TRPM3: variants seen among roughly 807,000 people sequenced by gnomAD.
TRPM3 encodes the protein transient receptor potential cation channel subfamily M member 3.
Under a neutral mutation model 181.2 loss-of-function variants are expected in TRPM3, and 77 were observed. That is an observed-to-expected ratio of 0.42 (90% CI 0.35 to 0.51). The LOEUF (loss-of-function observed/expected upper bound fraction) is 0.51, where lower values mean the gene tolerates loss of function less well. TRPM3 is among the 20% of genes least tolerant of loss of function. The pLI is 0.01. For synonymous variants in TRPM3, 745 were observed against 796.4 expected (o/e 0.94, Z 1.09); for missense variants, 1,759 against 2,196.7 (o/e 0.80, Z 3.98).
rs141194516 is a variant in TRPM3, at chr9:70,820,379, TTTTG to T, written c.973+7464_973+7467del. Among the ~76,000 whole-genome samples, 925 of 152,256 alleles carry T rather than the reference TTTTG, an allele frequency of 6.1e-3. 9 individuals are homozygous for T. The highest frequency in any genetic ancestry group is 0.019 in the African/African-American group (780 of 41,562). On this transcript the variant is annotated intron_variant, in intron 6 of 25. Transcript: ENST00000677713. ...AGGTTATGATTTGTTATAGGACTTTTTTTGTTTGTTTGTTTGTTTGTTTTTGAGA... is the reference window on the plus strand; with the variant it reads ...AGGTTATGATTTGTTATAGGACTTTTTTTGTTTGTTTGTTTGTTTTTGAGA...
chr9:71,326,854 T>A (rs1171182113), intron 1 of TRPM3, among the ~76,000 whole-genome samples: 1 of 152,182 alleles, frequency 6.6e-6, no homozygotes, highest in Non-Finnish European at 1.5e-5. Flanking sequence ...GCAGGGCTAG[T>A]GTCTCTGGTG....
intron 1 of TRPM3, among the ~76,000 whole-genome samples, chr9:71,001,113 T>G (rs1344076605): frequency 2.6e-5 from 4 of 152,094 alleles, no homozygotes; most frequent in African/African-American, 4.8e-5. Flanking sequence ...AGTTCATGGG[T>G]GGGTGATTAA....
intron 9 of TRPM3, among the ~76,000 whole-genome samples, chr9:70,673,713 T>C (rs866289638): frequency 3.3e-5 from 5 of 152,108 alleles, no homozygotes; most frequent in Middle Eastern, 3.4e-3. Context: ...TAGATCACAA[T>C]GTCAGGAGTT....
chr9:70,774,514 T>C (rs2080966598), intron 7 of TRPM3: 1 of 152,200 alleles, frequency 6.6e-6, no homozygotes, highest in Non-Finnish European at 1.5e-5. Context: ...ACATGGATTT[T>C]TGACCACATG....
chr9:71,361,284 G>T (rs995058024), intron 1 of TRPM3, among the ~76,000 whole-genome samples: 1 of 152,070 alleles, frequency 6.6e-6, no homozygotes. Flanking sequence ...TGGGTTTTGC[G>T]ATTTCAAAAA....
chr9:71,130,336 A>T (rs1421701133), intron 1 of TRPM3, among the ~76,000 whole-genome samples: 1 of 152,210 alleles, frequency 6.6e-6, no homozygotes, highest in African/African-American at 2.4e-5. Context: ...ATCATTATTC[A>T]TGAGTGAAAG....
At chr9:71,420,989 G>GAGAGAGAAAAAGAGAGAAAAAGAGAAAA (rs2093757999) in intron 1 of TRPM3, among the ~76,000 whole-genome samples, 3 of 101,804 alleles carry the variant, frequency 2.9e-5, no homozygotes, top group Non-Finnish European at 5.9e-5. Context: ...GAGAGAAAAA[G>GAGAGAGAAAAAGAGAGAAAAAGAGAAAA]AGAGAGAAAA....
intron 25 of TRPM3, among the ~76,000 whole-genome samples, chr9:70,544,291 TAAAC>T (rs1564244248): frequency 6.6e-6 from 1 of 152,176 alleles, no homozygotes; most frequent in Non-Finnish European, 1.5e-5. Flanking sequence ...AGTAGGTAAT[TAAAC>T]AGACGGTATT....
At chr9:70,905,797 C>T (rs375129598) in intron 1 of TRPM3, among the ~76,000 whole-genome samples, 5 of 151,342 alleles carry the variant, frequency 3.3e-5, no homozygotes, top group South Asian at 2.1e-4. Context: ...GGCTGGAGTG[C>T]GGTGGTGCAA....
chr9:71,254,268 A>C (rs2132036286), intron 1 of TRPM3, among the ~76,000 whole-genome samples: 1 of 152,326 alleles, frequency 6.6e-6, no homozygotes, highest in South Asian at 2.1e-4. Context: ...GGTAAATACC[A>C]TATTATCTCA....
intron 1 of TRPM3, among the ~76,000 whole-genome samples, chr9:71,111,976 A>G (rs1587319997): frequency 6.6e-6 from 1 of 152,146 alleles, no homozygotes. Flanking sequence ...TTTCTATTTG[A>G]CCTTGATCCA....
chr9:70,792,777 GTAGA>G (rs982993393), intron 6 of TRPM3, among the ~76,000 whole-genome samples: 1 of 152,078 alleles, frequency 6.6e-6, no homozygotes, highest in African/African-American at 2.4e-5. Flanking sequence ...TTCACCAGGG[GTAGA>G]TAGTTTTTTG....
intron 8 of TRPM3, among the ~76,000 whole-genome samples, chr9:70,700,425 G>T (rs2072112487): frequency 6.6e-6 from 1 of 152,148 alleles, no homozygotes; most frequent in African/African-American, 2.4e-5. Context: ...GGCCGGGATA[G>T]GGGGGCGATG....
At chr9:71,146,453 C>A (rs2075413052) in intron 1 of TRPM3, among the ~76,000 whole-genome samples, 1 of 152,142 alleles carries the variant, frequency 6.6e-6, no homozygotes, top group South Asian at 2.1e-4. Flanking sequence ...TGTTTCCTAA[C>A]ACTAGAATTT....
chr9:70,900,609 G>GT (rs1486009450), intron 1 of TRPM3, among the ~76,000 whole-genome samples: 7 of 152,132 alleles, frequency 4.6e-5, no homozygotes, highest in Non-Finnish European at 7.4e-5. Context: ...ATAATTTCTA[G>GT]TTTTTTTCCC....
intron 9 of TRPM3, among the ~76,000 whole-genome samples, chr9:70,669,717 T>C (rs964998248): frequency 1.3e-5 from 2 of 151,112 alleles, no homozygotes; most frequent in Admixed American, 1.3e-4. Flanking sequence ...TTTCTTTTTC[T>C]TTTCTTTTCT....
intron 14 of TRPM3, among the ~76,000 whole-genome samples, chr9:70,622,343 C>A (rs908676857): frequency 3.3e-5 from 5 of 152,168 alleles, no homozygotes; most frequent in Non-Finnish European, 5.9e-5. Flanking sequence ...AACAAGGAAA[C>A]CTTCTATCAA....
chr9:70,799,520 T>G (rs2088266329), intron 6 of TRPM3, among the ~76,000 whole-genome samples: 1 of 152,214 alleles, frequency 6.6e-6, no homozygotes, highest in Non-Finnish European at 1.5e-5. Flanking sequence ...GAACCTTCTT[T>G]CCTCTGGAAA....
chr9:71,252,086 T>C (rs1242066908), intron 1 of TRPM3, among the ~76,000 whole-genome samples: 1 of 152,218 alleles, frequency 6.6e-6, no homozygotes, highest in African/African-American at 2.4e-5. Flanking sequence ...CATTCATGTG[T>C]TGATGGAGAC....
Sources: allele counts gnomAD v4.1 joint callset (sites outside exome capture counted in the v4.1 genomes callset), GRCh38; gene constraint gnomAD v4.1.1; transcripts MANE v1.5; gene names NCBI Gene and HGNC (gene_info 2026-07-23, HGNC 2026-07-21).